Variants in CDKL5 observed in about 807,000 individuals in gnomAD.
CDKL5 encodes the protein cyclin-dependent kinase-like 5.
In CDKL5, 8 loss-of-function variants were observed where a neutral mutation model predicts 61.7. The ratio of observed to expected loss-of-function variants is 0.13; its 90% CI spans 0.08 to 0.23. The LOEUF (loss-of-function observed/expected upper bound fraction) is 0.23. Among genes scored for constraint, CDKL5 ranks in the 10% least tolerant of loss-of-function variants. CDKL5 has a pLI of 1.00. For missense variants in CDKL5, 440 were observed against 734.5 expected, an observed-to-expected ratio of 0.60 and a Z score of 4.63; for synonymous variants, 275 against 272.3, an observed-to-expected ratio of 1.01 and a Z score of -0.10.
At chrX:18,502,417 G>A (rs1025969868) in intron 1 of CDKL5, among the ~76,000 whole-genome samples, 3 of 111,919 alleles carry the variant, frequency 2.7e-5, no homozygotes, top group Non-Finnish European at 5.6e-5. Flanking sequence ...GTGAACTAAA[G>A]TTTTCTAAGC....
downstream of CDKL5, among the ~76,000 whole-genome samples, chrX:18,645,131 C>T (rs759886997): frequency 4.4e-5 from 5 of 112,557 alleles, no homozygotes; most frequent in South Asian, 3.7e-4. Context: ...GCCAGATAAC[C>T]GTTGAAGCAA....
intron 1 of CDKL5, among the ~76,000 whole-genome samples, chrX:18,451,610 C>T (rs865793904): frequency 8.0e-5 from 9 of 111,936 alleles, no homozygotes; most frequent in Middle Eastern, 8.7e-3. Context: ...ATGATCTTGG[C>T]TCCCTGCAGC....
downstream of CDKL5, chrX:18,641,770 G>A (rs1277914359): frequency 7.4e-6 from 3 of 403,880 alleles, no homozygotes; most frequent in South Asian, 4.0e-5. Context: ...AATTCGTTTC[G>A]GGGACATTTT....
intron 14 of CDKL5, among the ~76,000 whole-genome samples, chrX:18,610,265 G>A (rs897846677): frequency 8.9e-6 from 1 of 112,432 alleles, no homozygotes; most frequent in Non-Finnish European, 1.9e-5. Flanking sequence ...CTATGGGACT[G>A]CACAGGCTGT....
At chrX:18,444,609 G>GC (rs1481856581) in intron 1 of CDKL5, among the ~76,000 whole-genome samples, 1 of 111,859 alleles carries the variant, frequency 8.9e-6, no homozygotes, top group Non-Finnish European at 1.9e-5. Flanking sequence ...GAGCCACTGT[G>GC]CCCCACCTCG....
chrX:18,623,926 T>G (rs1287997871), intron 16 of CDKL5: 1 of 741,604 alleles, frequency 1.3e-6, no homozygotes, highest in Non-Finnish European at 1.6e-6. Context: ...AATCCCTCTT[T>G]CCTCTTTTTA....
At position 18,630,446 on chromosome X, in the gene CDKL5, C is replaced by T; in HGVS notation, c.*1689C>T. 2 of 752,553 alleles carry T rather than the reference C, an allele frequency of 2.7e-6. No individual in the cohort carries two copies. Among genetic ancestry groups the T allele is most frequent in the Non-Finnish European group, 3.1e-6 (2 of 638,479 alleles). The allele number at this position is 752,553 out of a possible 1,213,427, so 62.0% of individuals were successfully genotyped here. ...AGAGATAACTTCTCAGTATTTATTACTTGTCCTCAAATTCTGAGTGTCAGC... is the reference window on the plus strand; with the variant it reads ...AGAGATAACTTCTCAGTATTTATTATTTGTCCTCAAATTCTGAGTGTCAGC... On this transcript the variant is annotated 3_prime_UTR_variant, in exon 18 of 18. Coordinates refer to ENST00000623535, the MANE Select transcript of CDKL5 (RefSeq NM_001323289.2).
rs1923705729 is a variant in CDKL5, at chrX:18,533,163, G to A, written c.99+22309G>A. On this transcript the variant is annotated intron_variant, in intron 3 of 17. Transcript: ENST00000623535. ...TTTGCCGTACTGAAAGGATTTGGTT[G>A]AAAATAATTAATTTTTGCTGTGTAA... Among the ~76,000 whole-genome samples, 7 of 112,100 alleles carry A rather than the reference G, an allele frequency of 6.2e-5. No homozygotes were observed. In the South Asian group the frequency reaches 2.6e-3, roughly 42 times the overall value.
rs1391232896 is a variant in CDKL5 at position 18,499,478 on chromosome X, AGCCTCC to A, written c.-162-7456_-162-7451del. Among the ~76,000 whole-genome samples, 6 of 106,714 alleles carry A rather than the reference AGCCTCC, an allele frequency of 5.6e-5. No homozygotes were observed. The South Asian group carries it at 2.6e-3, about 45-fold the overall frequency. The allele number at this position is 106,714 out of a possible 115,157, so 92.7% of individuals were successfully genotyped here. A position where few individuals can be genotyped will look rare whatever the true frequency, so the allele number is the denominator to read the frequency against. On this transcript the variant is annotated intron_variant, in intron 1 of 17. Coordinates refer to ENST00000623535, the MANE Select transcript of CDKL5 (RefSeq NM_001323289.2). ...CGGGTTCATGCCATTCTCCTGCCTCAGCCTCCCGAGTAGCTGGGACTACAGGCGCCC... is the reference window on the plus strand; with the variant it reads ...CGGGTTCATGCCATTCTCCTGCCTCACGAGTAGCTGGGACTACAGGCGCCC...
chrX:18,581,304 A>G (rs1295231523), intron 6 of CDKL5, among the ~76,000 whole-genome samples: 1 of 111,999 alleles, frequency 8.9e-6, no homozygotes, highest in Non-Finnish European at 1.9e-5. Context: ...CCACATCTTC[A>G]TAACATCCAT....
At chrX:18,467,168 T>G (rs1479192988) in intron 1 of CDKL5, among the ~76,000 whole-genome samples, 2 of 109,936 alleles carry the variant, frequency 1.8e-5, no homozygotes, top group East Asian at 5.7e-4. Flanking sequence ...AAGAACAACT[T>G]GTGTTCATAG....
chrX:18,432,500 C>T (rs1210645013), intron 1 of CDKL5, among the ~76,000 whole-genome samples: 1 of 110,735 alleles, frequency 9.0e-6, no homozygotes, highest in East Asian at 2.8e-4. Context: ...CTTCGGCCTC[C>T]TAAAGTGCTA....
At chrX:18,494,193 G>A in intron 1 of CDKL5, among the ~76,000 whole-genome samples, 2 of 112,198 alleles carry the variant, frequency 1.8e-5, no homozygotes. Flanking sequence ...TGGGATTACA[G>A]GCGTGAGCCA....
chrX:18,582,376 T>C (rs758254328), intron 7 of CDKL5, among the ~76,000 whole-genome samples: 3 of 111,805 alleles, frequency 2.7e-5, no homozygotes, highest in African/African-American at 9.7e-5. Context: ...TTGTTCCCTC[T>C]AAATGTTCAA....
At position 18,647,479 on chromosome X, in the gene CDKL5, CTG is replaced by C. The variant is rs199718286; in HGVS notation, c.2797+1393_2797+1394del. The C allele has an allele frequency of 0.036, 20,160 of 566,023 alleles. 319 individuals carry two copies. The highest frequency in any genetic ancestry group is 0.042 in the Non-Finnish European group (14,397 of 340,785). 46.6% of individuals were successfully genotyped at this position (566,023 alleles called of 1,213,427 possible). A position where few individuals can be genotyped will look rare whatever the true frequency, so the allele number is the denominator to read the frequency against. On this transcript the variant is annotated intron_variant, in intron 20 of 21. Coordinates refer to the CDKL5 transcript ENST00000379989. ...TCTCTGTGGTTCACAATGGGTACAGCTGTGTCTTCAACGGTTCACTACTCACG... is the reference window on the plus strand; with the variant it reads ...TCTCTGTGGTTCACAATGGGTACAGCTGTCTTCAACGGTTCACTACTCACG...
chrX:18,548,055 A>AT (rs371882982), intron 3 of CDKL5, among the ~76,000 whole-genome samples: 2 of 109,245 alleles, frequency 1.8e-5, no homozygotes, highest in Non-Finnish European at 3.8e-5. Context: ...TAAACATTTG[A>AT]TTTTTTGTTT....
Position 18,650,511 on chromosome X carries a change from C to T in CDKL5, c.2899C>T (p.Leu967Phe). The change falls in exon 21 of 22, where the codon CTC becomes TTC. Residue 967 changes from leucine (L) to phenylalanine (F), a missense_variant. Leu to Phe is a conservative substitution (Grantham distance 22). Coordinates refer to the CDKL5 transcript ENST00000379989. ...CTCCAGTCCTGCTCCCTATCCAGTA[C>T]TCCAGGTCCGAGGCACTTCCATGTG... is the stretch of plus-strand genomic sequence containing the variant. 9 of 1,212,118 alleles carry T rather than the reference C, an allele frequency of 7.4e-6. No individual in the cohort carries two copies. Among genetic ancestry groups the T allele is most frequent in the Non-Finnish European group, 1.0e-5 (9 of 895,486 alleles).
At chrX:18,486,008 T>A (rs763362475) in intron 1 of CDKL5, among the ~76,000 whole-genome samples, 14 of 111,841 alleles carry the variant, frequency 1.3e-4, no homozygotes, top group Non-Finnish European at 2.6e-4. Flanking sequence ...TAGGGCAAAG[T>A]TTGAAAACCA....
chrX:18,494,422 T>G (rs1922096587), intron 1 of CDKL5, among the ~76,000 whole-genome samples: 1 of 111,343 alleles, frequency 9.0e-6, no homozygotes, highest in Non-Finnish European at 1.9e-5. Context: ...TAATTTTTTG[T>G]ATTTCTTTTT....
Sources: gnomAD v4.1 joint callset for allele counts (sites outside exome capture counted in the v4.1 genomes callset) on GRCh38, gnomAD v4.1.1 for gene constraint, MANE v1.5 for transcripts, NCBI Gene and HGNC (gene_info 2026-07-23, HGNC 2026-07-21) for gene names.